Variants in KLRG1 observed in about 807,000 individuals in gnomAD.
The protein encoded by KLRG1 is killer cell lectin-like receptor subfamily G member 1.
A neutral mutation model predicts 21.8 loss-of-function variants in KLRG1; 16 were observed. The observed-to-expected ratio is 0.73, with a 90% confidence interval of 0.50 to 1.11. The LOEUF is 1.11. KLRG1 is among the 50% of genes most tolerant of loss of function. KLRG1 has a pLI of 0.00. For missense variants in KLRG1, 173 were observed against 218.3 expected (o/e 0.79, Z 1.31); for synonymous variants, 69 against 75.9 (o/e 0.91, Z 0.47).
At chr12:9,003,645 C>G (rs986102129) in intron 3 of KLRG1, among the ~76,000 whole-genome samples, 1 of 151,748 alleles carries the variant, frequency 6.6e-6, no homozygotes, top group African/African-American at 2.4e-5. Context: ...TTAAGTGCTC[C>G]ACAGAGAGAA....
At chr12:9,111,279 G>T in the KLRG1 span, among the ~76,000 whole-genome samples, 5 of 152,142 alleles carry the variant, frequency 3.3e-5, no homozygotes, top group Non-Finnish European at 7.4e-5. Flanking sequence ...TGGAGCTTAT[G>T]TTATAATAGA....
chr12:9,176,676 G>A, the KLRG1 span, among the ~76,000 whole-genome samples: 1 of 152,212 alleles, frequency 6.6e-6, no homozygotes. Context: ...ATGTAAGATT[G>A]AGTCTTAATC....
chr12:8,980,987 C>T (rs1215864092), intron 1 of KLRG1, among the ~76,000 whole-genome samples: 1 of 152,178 alleles, frequency 6.6e-6, no homozygotes, highest in Non-Finnish European at 1.5e-5. Flanking sequence ...AAAATGCTTT[C>T]TACACTTTTC....
chr12:8,997,393 T>G (rs1015197553), intron 3 of KLRG1, among the ~76,000 whole-genome samples: 1 of 152,254 alleles, frequency 6.6e-6, no homozygotes, highest in African/African-American at 2.4e-5. Flanking sequence ...TCTGTTGTTC[T>G]AGTGTTATTA....
chr12:9,138,570 G>A, the KLRG1 span, among the ~76,000 whole-genome samples: 1 of 151,868 alleles, frequency 6.6e-6, no homozygotes, highest in African/African-American at 2.4e-5. Flanking sequence ...ATTTGAGACT[G>A]ATTGGCACTT....
At chr12:9,016,638 T>C in the KLRG1 span, among the ~76,000 whole-genome samples, 1 of 152,162 alleles carries the variant, frequency 6.6e-6, no homozygotes. Flanking sequence ...TTTGAGACAG[T>C]GTCTTGCTTT....
At chr12:8,969,260 A>C (rs4309200) in intron 1 of KLRG1, among the ~76,000 whole-genome samples, 54,332 of 152,130 alleles carry the variant, frequency 0.36, 11,100 homozygotes, top group Middle Eastern at 0.46. Flanking sequence ...GCTAGTTCCA[A>C]AGTGGAGTGT....
At chr12:8,953,451 G>A (rs1946238670) in intron 1 of KLRG1, among the ~76,000 whole-genome samples, 1 of 152,198 alleles carries the variant, frequency 6.6e-6, no homozygotes, top group South Asian at 2.1e-4. Flanking sequence ...ATGGGTGAAA[G>A]GTGGGGATCA....
At chr12:9,094,917 A>C in the KLRG1 span, 2 of 985,088 alleles carry the variant, frequency 2.0e-6, no homozygotes, top group Non-Finnish European at 2.8e-6. Flanking sequence ...TCTTTTAAAA[A>C]ATTTAAAATT....
At chr12:9,124,763 G>A in the KLRG1 span, among the ~76,000 whole-genome samples, 1 of 152,234 alleles carries the variant, frequency 6.6e-6, no homozygotes, top group African/African-American at 2.4e-5. Context: ...TTGGGGCTGA[G>A]CCCAGGGGCC....
At chr12:9,108,842 T>G in the KLRG1 span, among the ~76,000 whole-genome samples, 1 of 152,218 alleles carries the variant, frequency 6.6e-6, no homozygotes. Flanking sequence ...AGATGAGATT[T>G]CAGTTGTATG....
the KLRG1 span, chr12:9,111,662 T>A: frequency 2.5e-6 from 1 of 393,576 alleles, no homozygotes; most frequent in Non-Finnish European, 4.9e-6. Context: ...TGTGAAGAAG[T>A]TAATTTGGGA....
At chr12:9,213,139 T>C in the KLRG1 span, among the ~76,000 whole-genome samples, 5 of 152,212 alleles carry the variant, frequency 3.3e-5, no homozygotes, top group Non-Finnish European at 4.4e-5. Flanking sequence ...AGCATATATA[T>C]AGTACTTCAT....
At chr12:9,068,240 C>A in the KLRG1 span, 420 of 1,574,622 alleles carry the variant, frequency 2.7e-4, 3 homozygotes, top group Admixed American at 2.3e-4. Flanking sequence ...AAAAAAAAAA[C>A]CAACAAAAAA....
chr12:9,196,756 T>C, the KLRG1 span: 1 of 1,360,468 alleles, frequency 7.4e-7, no homozygotes, highest in Non-Finnish European at 1.0e-6. Context: ...TACTATTCTG[T>C]CTCTAATGAC....
the KLRG1 span, among the ~76,000 whole-genome samples, chr12:9,061,409 G>A: frequency 2.0e-5 from 3 of 152,256 alleles, no homozygotes; most frequent in East Asian, 5.8e-4. Flanking sequence ...ACAGGTGTCA[G>A]CCACCGCACC....
At chr12:9,121,449 G>T in the KLRG1 span, among the ~76,000 whole-genome samples, 1 of 152,138 alleles carries the variant, frequency 6.6e-6, no homozygotes, top group Non-Finnish European at 1.5e-5. This position sits in a 1 kb window ranked among gnomAD's most constrained non-coding sequence, Gnocchi z 4.4. Context: ...ACTGATGCAC[G>T]AGAATCGCTT....
chr12:9,192,864 G>T, the KLRG1 span: 1 of 576,004 alleles, frequency 1.7e-6, no homozygotes, highest in Non-Finnish European at 3.0e-6. Flanking sequence ...CCCTCATACT[G>T]GTCGACAGCC....
chr12:8,966,249 A>G (rs1050773085), intron 1 of KLRG1, among the ~76,000 whole-genome samples: 2 of 152,254 alleles, frequency 1.3e-5, no homozygotes, highest in Non-Finnish European at 2.9e-5. Flanking sequence ...GAGACAACCT[A>G]GGCAATACCA....
Sources: allele counts gnomAD v4.1 joint callset (sites outside exome capture counted in the v4.1 genomes callset), GRCh38; gene constraint gnomAD v4.1.1; non-coding constraint Gnocchi (gnomAD v3.1); transcripts MANE v1.5; gene names NCBI Gene and HGNC (gene_info 2026-07-23, HGNC 2026-07-21).